Variants in SLC17A8 observed in about 807,000 individuals in gnomAD.
SLC17A8 encodes solute carrier family 17 member 8, also known as vesicular glutamate transporter 3.
SLC17A8 carries 31 observed loss-of-function variants against 58.0 expected under a neutral mutation model. The observed-to-expected ratio is 0.53, with a 90% CI of 0.40 to 0.72. The LOEUF is 0.72. Among genes scored for constraint, SLC17A8 ranks in the 30% least tolerant of loss-of-function variants. The pLI, the probability that SLC17A8 is intolerant of heterozygous loss-of-function variation, is 0.00. For missense variants in SLC17A8, 655 were observed against 727.8 expected (o/e 0.90, Z 1.15); for synonymous variants, 228 against 249.0 (o/e 0.92, Z 0.79).
chr12:100,372,835 G>T (rs1010321246), intron 1 of SLC17A8, among the ~76,000 whole-genome samples: 4 of 152,166 alleles, frequency 2.6e-5, no homozygotes, highest in African/African-American at 9.7e-5. Flanking sequence ...AAACTGCTAG[G>T]ATTGCAGGCG....
intron 9 of SLC17A8, among the ~76,000 whole-genome samples, chr12:100,407,553 T>G (rs1952834924): frequency 6.6e-6 from 1 of 152,176 alleles, no homozygotes; most frequent in Non-Finnish European, 1.5e-5. Flanking sequence ...AAAATACCTC[T>G]TCACATGGCT....
At chr12:100,407,914 A>G (rs1952838388) in intron 9 of SLC17A8, among the ~76,000 whole-genome samples, 1 of 152,124 alleles carries the variant, frequency 6.6e-6, no homozygotes, top group Admixed American at 6.6e-5. Flanking sequence ...CCATTCTTTT[A>G]TATTTTGACA....
At chr12:100,364,543 T>C (rs1353142540) in intron 1 of SLC17A8, among the ~76,000 whole-genome samples, 1 of 152,130 alleles carries the variant, frequency 6.6e-6, no homozygotes, top group African/African-American at 2.4e-5. Context: ...TAGCACTGGG[T>C]GGCTGAGGAC....
At chr12:100,403,340 A>C (rs1211894021) in intron 8 of SLC17A8, among the ~76,000 whole-genome samples, 1 of 152,052 alleles carries the variant, frequency 6.6e-6, no homozygotes, top group Non-Finnish European at 1.5e-5. Flanking sequence ...GTAGTGATGC[A>C]CACCTGTGAT....
At chr12:100,390,968 C>T in intron 2 of SLC17A8, 33 bp from the exon 3 acceptor site, 1 of 1,470,116 alleles carries the variant, frequency 6.8e-7, no homozygotes, top group Non-Finnish European at 9.5e-7. Context: ...CTTTTTCTAA[C>T]AAACACAACT....
At position 100,393,364 on chromosome 12, in the gene SLC17A8, C is replaced by A. The variant is rs761868531; in HGVS notation, c.474-5C>A. On this transcript the variant is annotated splice_region_variant and splice_polypyrimidine_tract_variant and intron_variant, in intron 3 of 11. Transcript: ENST00000323346. ...GCCGAATAACACAATGCTTTGGTCC[C>A]CCAGGGTCTTTGGAGCTGCCATCTT... The A allele has an allele frequency of 1.2e-6, 2 of 1,609,242 alleles. No individual in the cohort carries two copies. Among genetic ancestry groups the A allele is most frequent in the African/African-American group, 2.7e-5 (2 of 74,790 alleles).
chr12:100,390,892 A>C, intron 2 of SLC17A8, 109 bp from the exon 3 acceptor site: 1 of 797,994 alleles, frequency 1.3e-6, no homozygotes, highest in South Asian at 1.4e-5. Flanking sequence ...TGTTAAATAA[A>C]TGAAAAAAGA....
chr12:100,391,391 C>G (rs1373959781), intron 3 of SLC17A8, among the ~76,000 whole-genome samples: 1 of 142,384 alleles, frequency 7.0e-6, no homozygotes, highest in Non-Finnish European at 1.5e-5. Context: ...CTCCCCCACC[C>G]CACTCGGCAT....
intron 5 of SLC17A8, among the ~76,000 whole-genome samples, chr12:100,398,189 C>T (rs929606872): frequency 3.3e-5 from 5 of 152,176 alleles, no homozygotes; most frequent in African/African-American, 1.2e-4. Context: ...GTATTCACCG[C>T]TATGCCTACT....
intron 1 of SLC17A8, among the ~76,000 whole-genome samples, chr12:100,365,199 C>T (rs975033203): frequency 6.6e-6 from 1 of 152,140 alleles, no homozygotes; most frequent in Non-Finnish European, 1.5e-5. Flanking sequence ...TGCATGGTCT[C>T]TTGATATTCC....
At chr12:100,370,833 G>T (rs1952554400) in intron 1 of SLC17A8, among the ~76,000 whole-genome samples, 1 of 152,052 alleles carries the variant, frequency 6.6e-6, no homozygotes, top group South Asian at 2.1e-4. Flanking sequence ...GATAGGAAAG[G>T]GTCAAATTAC....
At chr12:100,410,413 C>T (rs551484783) in intron 9 of SLC17A8, among the ~76,000 whole-genome samples, 31 of 151,166 alleles carry the variant, frequency 2.1e-4, no homozygotes, top group Non-Finnish European at 3.2e-4. Flanking sequence ...GAGAAGGGCA[C>T]GAACCCGGGA....
chr12:100,399,396 A>G (rs1393299729), intron 5 of SLC17A8, among the ~76,000 whole-genome samples: 1 of 152,214 alleles, frequency 6.6e-6, no homozygotes, highest in East Asian at 1.9e-4. Context: ...ATAGAAAAGA[A>G]GGGTAGTTTA....
chr12:100,390,229 C>T (rs534855788), intron 2 of SLC17A8, among the ~76,000 whole-genome samples: 1 of 152,220 alleles, frequency 6.6e-6, no homozygotes, highest in African/African-American at 2.4e-5. Flanking sequence ...CCTTCCAAAG[C>T]ATTGGGATTA....
chr12:100,357,340 T>C lies in SLC17A8; in HGVS notation c.-52T>C, dbSNP rs878908461. ...TTCTCACACTGGAAATGAGGAAGGA[T>C]GACAGTTTTTGAGACTGACTGTTAA... On this transcript the variant is annotated 5_prime_UTR_variant, in exon 1 of 12. An upstream start codon of the reference 5' UTR is lost. Coordinates refer to ENST00000323346, the MANE Select transcript of SLC17A8 (RefSeq NM_139319.3). 9 of 1,002,668 alleles carry C rather than the reference T, an allele frequency of 9.0e-6. No homozygotes were observed. The South Asian group carries it at 1.0e-4, about 11-fold the overall frequency. 62.1% of individuals were successfully genotyped at this position (1,002,668 alleles called of 1,614,324 possible). A position where few individuals can be genotyped will look rare whatever the true frequency, so the allele number is the denominator to read the frequency against.
At chr12:100,369,456 C>T (rs1313603904) in intron 1 of SLC17A8, among the ~76,000 whole-genome samples, 1 of 152,176 alleles carries the variant, frequency 6.6e-6, no homozygotes, top group East Asian at 1.9e-4. Context: ...ATATTGATGA[C>T]TTGTTCCAGA....
chr12:100,358,961 G>A (rs566904115), intron 1 of SLC17A8, among the ~76,000 whole-genome samples: 1 of 152,050 alleles, frequency 6.6e-6, no homozygotes, highest in African/African-American at 2.4e-5. Context: ...GGGGAACATA[G>A]AGAGACCATG....
chr12:100,357,864 G>C (rs966169721), intron 1 of SLC17A8, among the ~76,000 whole-genome samples: 5 of 152,070 alleles, frequency 3.3e-5, no homozygotes, highest in Non-Finnish European at 7.4e-5. Flanking sequence ...TAATTTTTAT[G>C]TTTTTCACTG....
At chr12:100,362,128 C>T (rs916513190) in intron 1 of SLC17A8, among the ~76,000 whole-genome samples, 7 of 152,134 alleles carry the variant, frequency 4.6e-5, no homozygotes, top group Non-Finnish European at 8.8e-5. Context: ...CTGCCTCAGT[C>T]AGTCATCAGC....
Sources: gnomAD v4.1 joint callset for allele counts (sites outside exome capture counted in the v4.1 genomes callset) on GRCh38, gnomAD v4.1.1 for gene constraint, MANE v1.5 for transcripts, NCBI Gene and HGNC (gene_info 2026-07-23, HGNC 2026-07-21) for gene names.